Variants in MACF1 observed in about 807,000 individuals in gnomAD.
MACF1 encodes microtubule actin crosslinking factor 1.
Under a neutral mutation model 854.8 loss-of-function variants are expected in MACF1, and 193 were observed. The observed-to-expected ratio is 0.23, with a 90% CI of 0.20 to 0.25. The LOEUF is 0.25. Ranked by LOEUF, MACF1 falls within the 10% of genes least tolerant of loss-of-function variation. The pLI, the probability that MACF1 is intolerant of heterozygous loss-of-function variation, is 1.00. For missense variants in MACF1, 7,722 were observed against 8,929.1 expected (o/e 0.86, Z 5.45); for synonymous variants, 3,185 against 3,226.7 (o/e 0.99, Z 0.44).
In MACF1 at chr1:39,336,330, G is replaced by C. The variant is rs1646809901; in HGVS notation, c.9742G>C (p.Ala3248Pro). Residue 3248 changes from alanine to proline, a missense_variant, in exon 37 of 101, where the codon GCA becomes CCA. Physicochemically the swap from Ala to Pro is conservative, Grantham distance 27. Around this residue, in one of 15 missense-constraint regions of MACF1, gnomAD observed 854 missense variants for 852.6 expected, o/e 1.00. Transcript: ENST00000564288. ...TCTAGAAATGGCAAACCCTAATGTT[G>C]CAGGTCTAGAAGCAGGATCCATTGA... ...KFLEMANPNV[A>P]GLEAGSIEDI... 6.2e-7 allele frequency: 1 copy of C among 1,614,032 alleles called. No homozygotes were observed. The highest frequency in any genetic ancestry group is 1.3e-5 in the African/African-American group (1 of 74,896).
Position 39,187,258 on chromosome 1 carries a change from C to T in MACF1, c.221-43924C>T, listed in dbSNP as rs200107953. On this transcript the variant is annotated intron_variant, in intron 2 of 93. Coordinates refer to the MACF1 transcript ENST00000361689. ...GGAATTAATAATTGCCATATTTTGT[C>T]ACTTGTTTACTGATCTATGTACATA... 3.9e-5 allele frequency among the ~76,000 whole-genome samples: 6 copies of T among 152,114 alleles called. No homozygotes were observed. The East Asian group carries it at 1.2e-3, about 29-fold the overall frequency.
chr1:39,316,792 A>C (rs938503869), intron 28 of MACF1, among the ~76,000 whole-genome samples: 3 of 152,210 alleles, frequency 2.0e-5, no homozygotes, highest in Non-Finnish European at 4.4e-5. Flanking sequence ...AATTGGATAC[A>C]GTCAGTGGTT....
intron 2 of MACF1, among the ~76,000 whole-genome samples, chr1:39,099,341 G>A (rs890884479): frequency 1.3e-5 from 2 of 152,182 alleles, no homozygotes; most frequent in African/African-American, 4.8e-5. Context: ...ATTTTTAGTA[G>A]AGACGCGGTT....
At chr1:39,382,652 T>C (rs564947545) in intron 56 of MACF1, among the ~76,000 whole-genome samples, 24 of 149,746 alleles carry the variant, frequency 1.6e-4, no homozygotes, top group South Asian at 1.1e-3. Context: ...TGCAGTGTCC[T>C]GTCCGGACAG....
chr1:39,477,135 T>TACACACACACAC (rs1553458204), intron 97 of MACF1, among the ~76,000 whole-genome samples: 1,053 of 103,274 alleles, frequency 0.01, 63 homozygotes, highest in African/African-American at 0.033. Flanking sequence ...TATATATATA[T>TACACACACACAC]ACACACACAC....
At chr1:39,128,252 C>T (rs1250536227) in intron 2 of MACF1, among the ~76,000 whole-genome samples, 1 of 151,758 alleles carries the variant, frequency 6.6e-6, no homozygotes, top group Non-Finnish European at 1.5e-5. Context: ...GCTACATTGC[C>T]CAGGCTAGTG....
intron 20 of MACF1, among the ~76,000 whole-genome samples, chr1:39,296,773 A>AGG (rs376451604): frequency 0.68 from 64,506 of 94,732 alleles, 20,637 homozygotes; most frequent in South Asian, 0.75. Flanking sequence ...GAAGGAAGGA[A>AGG]AAGAAAGAAA....
intron 93 of MACF1, among the ~76,000 whole-genome samples, chr1:39,462,539 T>TC (rs1298356719): frequency 7.3e-4 from 51 of 69,770 alleles, no homozygotes; most frequent in East Asian, 1.4e-3. Flanking sequence ...ATTCTGTCTG[T>TC]CCCCCCCGCC....
rs1170430073 is a variant in MACF1 at position 39,123,717 on chromosome 1, G to GTTTT, written c.220+39296_220+39299dup. Among the ~76,000 whole-genome samples the GTTTT allele has an allele frequency of 5.7e-4, 57 of 100,486 alleles. 1 individual carries two copies. The highest frequency in any genetic ancestry group is 7.3e-4 in the African/African-American group (17 of 23,258). 65.9% of individuals were successfully genotyped at this position (100,486 alleles called of 152,430 possible). A position where few individuals can be genotyped will look rare whatever the true frequency, so the allele number is the denominator to read the frequency against. ...ACCATGCCCGGCTAATTCTTGTTTT[G>GTTTT]TTTTTTTTTTTTTTTTTTTTGTCCG... On this transcript the variant is annotated intron_variant, in intron 2 of 93. Coordinates refer to the MACF1 transcript ENST00000361689.
At chr1:39,215,956 G>A (rs1241178264) in intron 1 of MACF1, among the ~76,000 whole-genome samples, 1 of 152,136 alleles carries the variant, frequency 6.6e-6, no homozygotes, top group East Asian at 1.9e-4. Context: ...AGAGAGGCTA[G>A]GGGAAGAGTC....
At chr1:39,197,885 C>T (rs116394490) in intron 2 of MACF1, among the ~76,000 whole-genome samples, 1,942 of 152,014 alleles carry the variant, frequency 0.013, 19 homozygotes, top group African/African-American at 0.021. Context: ...GACCATGTTT[C>T]GAAAAAGATG....
intron 2 of MACF1, among the ~76,000 whole-genome samples, chr1:39,151,617 C>G (rs1322460295): frequency 6.6e-6 from 1 of 152,168 alleles, no homozygotes; most frequent in Non-Finnish European, 1.5e-5. Flanking sequence ...ACACCCTGTT[C>G]CCCTCACTCT....
chr1:39,388,872 CTTTTTTTTTT>C (rs548104092), intron 58 of MACF1, among the ~76,000 whole-genome samples: 2,240 of 87,254 alleles, frequency 0.026, 82 homozygotes, highest in African/African-American at 0.11. Context: ...TCTTCTTCTT[CTTTTTTTTTT>C]TTTTTTTTTT....
At chr1:39,435,871 T>C (rs1017367762) in intron 70 of MACF1, 110 bp downstream of exon 70, 22 of 894,022 alleles carry the variant, frequency 2.5e-5, no homozygotes, top group Non-Finnish European at 3.5e-5. Context: ...AGCATGTTAA[T>C]ACGTGATCGG....
intron 97 of MACF1, among the ~76,000 whole-genome samples, chr1:39,476,422 T>A (rs1203628328): frequency 6.6e-6 from 1 of 152,008 alleles, no homozygotes; most frequent in East Asian, 1.9e-4. Flanking sequence ...TACGAAAAAT[T>A]AGCCAAGCGT....
In MACF1 at chr1:39,144,078, C is replaced by T. The variant is rs1643408902; in HGVS notation, c.220+59640C>T. On this transcript the variant is annotated intron_variant, in intron 2 of 93. Transcript: ENST00000361689. The stretch of plus-strand genomic sequence containing the variant: ...CTGGGATTACAGGTGTGAGCCACGG[C>T]GCTTTTTTTTTTTTTTTTTTGAGAC... Among the ~76,000 whole-genome samples, 3 of 132,238 alleles carry T rather than the reference C, an allele frequency of 2.3e-5. No homozygotes were observed. The South Asian group carries it at 7.0e-4, about 31-fold the overall frequency. The allele number at this position is 132,238 out of a possible 152,430, so 86.8% of individuals were successfully genotyped here.
Position 39,385,616 on chromosome 1 carries a change from A to G in MACF1, c.14031A>G (p.Gln4677=), listed in dbSNP as rs1392415116. Residue 4677 remains glutamine, a synonymous_variant, in exon 57 of 101, where the codon CAA becomes CAG. Coordinates refer to ENST00000564288, the MANE Select transcript of MACF1 (RefSeq NM_001394062.1). ...ACAAACTCAACTCCCGTTCCAGCCA[A>G]ATTGACCAAGCTATTGTTAAGAGCA... ...LTDKLNSRSS[Q]IDQAIVKSTQ... is the part of the protein sequence containing the mutation. The G allele has an allele frequency of 6.2e-7, 1 of 1,614,086 alleles. No homozygotes were observed. The highest frequency in any genetic ancestry group is 8.5e-7 in the Non-Finnish European group (1 of 1,180,006).
chr1:39,132,951 T>G (rs1643045591), intron 2 of MACF1, among the ~76,000 whole-genome samples: 1 of 152,190 alleles, frequency 6.6e-6, no homozygotes, highest in Non-Finnish European at 1.5e-5. Context: ...CCCCCATAGG[T>G]TAGAAAAGCT....
At chr1:39,246,533 A>G (rs1485576541) in intron 2 of MACF1, among the ~76,000 whole-genome samples, 1 of 152,052 alleles carries the variant, frequency 6.6e-6, no homozygotes, top group African/African-American at 2.4e-5. Flanking sequence ...TTTGAGACAA[A>G]GTTTCACTCC....
Sources: allele counts gnomAD v4.1 joint callset (sites outside exome capture counted in the v4.1 genomes callset), GRCh38; gene constraint gnomAD v4.1.1; regional missense constraint gnomAD v4.1.1; transcripts MANE v1.5; gene names NCBI Gene and HGNC (gene_info 2026-07-23, HGNC 2026-07-21).